The following SLC39A8 variants were observed in gnomAD, a reference collection of about 807,000 sequenced individuals.
SLC39A8 encodes solute carrier family 39 member 8, also known as metal cation symporter ZIP8.
In SLC39A8, 15 loss-of-function variants were observed where a neutral mutation model predicts 40.4. That is an observed-to-expected ratio of 0.37 (90% CI 0.25 to 0.57). The LOEUF (loss-of-function observed/expected upper bound fraction) is 0.57. Ranked by LOEUF, SLC39A8 falls within the 20% of genes least tolerant of loss-of-function variation. The pLI is 0.75. For synonymous variants in SLC39A8, 223 were observed against 221.6 expected (o/e 1.01, Z -0.06); for missense variants, 472 against 558.8 (o/e 0.84, Z 1.57).
intron 6 of SLC39A8, among the ~76,000 whole-genome samples, chr4:102,283,713 A>C (rs1733015614): frequency 6.6e-6 from 1 of 152,264 alleles, no homozygotes; most frequent in African/African-American, 2.4e-5. Flanking sequence ...AACATTTAAT[A>C]AAATGTAATT....
chr4:102,288,950 G>T (rs934856134), intron 6 of SLC39A8, among the ~76,000 whole-genome samples: 3 of 152,134 alleles, frequency 2.0e-5, no homozygotes, highest in African/African-American at 7.2e-5. Context: ...CATTGATGAA[G>T]GTGGCACACT....
downstream of SLC39A8, among the ~76,000 whole-genome samples, chr4:102,260,052 AGT>A (rs1432861811): frequency 6.6e-6 from 1 of 152,232 alleles, no homozygotes; most frequent in African/African-American, 2.4e-5. Flanking sequence ...AAGTAGTTCA[AGT>A]GTGTAAAGAA....
intron 2 of SLC39A8, among the ~76,000 whole-genome samples, chr4:102,335,204 G>C (rs900763516): frequency 2.0e-5 from 3 of 152,036 alleles, no homozygotes; most frequent in Admixed American, 6.6e-5. Flanking sequence ...CTATTACCTG[G>C]TACCATCATA....
At chr4:102,304,855 G>T in intron 5 of SLC39A8, 134 bp downstream of exon 5, 1 of 696,558 alleles carries the variant, frequency 1.4e-6, no homozygotes, top group Non-Finnish European at 2.3e-6. Flanking sequence ...TTGACTCTTT[G>T]TTCTCCTTAA....
chr4:102,254,521 AT>A (rs1306459943), intron 11 of SLC39A8, among the ~76,000 whole-genome samples: 1 of 152,256 alleles, frequency 6.6e-6, no homozygotes, highest in Non-Finnish European at 1.5e-5. Context: ...AAATATAATT[AT>A]TTCAACACTA....
At chr4:102,304,712 G>C in intron 5 of SLC39A8, among the ~76,000 whole-genome samples, 1 of 150,490 alleles carries the variant, frequency 6.6e-6, no homozygotes, top group East Asian at 1.9e-4. Context: ...CTCTTATTTT[G>C]ATGAATATGA....
chr4:102,285,855 T>C (rs1263999208), intron 6 of SLC39A8, among the ~76,000 whole-genome samples: 4 of 152,166 alleles, frequency 2.6e-5, no homozygotes, highest in Non-Finnish European at 5.9e-5. Context: ...TGCAAGTGCT[T>C]CTTCAAGGGA....
intron 2 of SLC39A8, among the ~76,000 whole-genome samples, chr4:102,327,364 G>A (rs1321255870): frequency 2.0e-5 from 3 of 152,096 alleles, no homozygotes; most frequent in Non-Finnish European, 4.4e-5. Context: ...GCTGTAAAAG[G>A]ATAGATGAAT....
intron 6 of SLC39A8, among the ~76,000 whole-genome samples, chr4:102,292,883 T>G (rs1448167611): frequency 6.6e-6 from 1 of 152,066 alleles, no homozygotes; most frequent in Non-Finnish European, 1.5e-5. Context: ...ATAATAATCC[T>G]GCCTTGTAGA....
At chr4:102,269,668 A>C (rs1444252042) in intron 6 of SLC39A8, 8 of 152,196 alleles carry the variant, frequency 5.3e-5, no homozygotes, top group Non-Finnish European at 8.8e-5. Flanking sequence ...AAAAGAGTGA[A>C]TGGGCATTTT....
chr4:102,293,292 C>A (rs1284821631), intron 6 of SLC39A8, among the ~76,000 whole-genome samples: 1 of 151,892 alleles, frequency 6.6e-6, no homozygotes, highest in Admixed American at 6.6e-5. Context: ...CTAAAGAAAG[C>A]AACCTACTGA....
At chr4:102,301,890 C>T (rs1179750649) in intron 6 of SLC39A8, among the ~76,000 whole-genome samples, 1 of 151,998 alleles carries the variant, frequency 6.6e-6, no homozygotes, top group Non-Finnish European at 1.5e-5. Flanking sequence ...GACAGCCATC[C>T]TCCTTTCTAA....
At chr4:102,300,150 C>CA (rs1433097005) in intron 6 of SLC39A8, among the ~76,000 whole-genome samples, 1 of 152,020 alleles carries the variant, frequency 6.6e-6, no homozygotes, top group Non-Finnish European at 1.5e-5. Context: ...TGCCCACACG[C>CA]ATGCCACATA....
chr4:102,338,365 T>C (rs1351907073), intron 2 of SLC39A8, among the ~76,000 whole-genome samples: 1 of 152,004 alleles, frequency 6.6e-6, no homozygotes, highest in East Asian at 1.9e-4. Flanking sequence ...TTTTTGTATT[T>C]TTAGTAGAGA....
chr4:102,293,554 G>C lies in SLC39A8; in HGVS notation c.840+10763C>G, dbSNP rs186835642. 4.9e-3 allele frequency among the ~76,000 whole-genome samples: 739 copies of C among 152,074 alleles called. 7 individuals are homozygous for C. Among genetic ancestry groups the C allele is most frequent in the Non-Finnish European group, 7.9e-3 (534 of 67,918 alleles). On this transcript the variant is annotated intron_variant, in intron 6 of 8. Coordinates refer to ENST00000356736, the MANE Select transcript of SLC39A8 (RefSeq NM_001135146.2). The stretch of plus-strand genomic sequence containing the variant: ...ACGCAAAACCAGTGTACTAAAATCA[G>C]TGTACTCTTACATAGCAGTAATAAT...
At chr4:102,265,175 G>A (rs1732044633) in intron 8 of SLC39A8, among the ~76,000 whole-genome samples, 1 of 152,092 alleles carries the variant, frequency 6.6e-6, no homozygotes, top group Non-Finnish European at 1.5e-5. Flanking sequence ...TCAGGCCTTT[G>A]ATTTAATATG....
chr4:102,338,159 T>G (rs1490454118), intron 2 of SLC39A8, among the ~76,000 whole-genome samples: 2 of 151,894 alleles, frequency 1.3e-5, no homozygotes, highest in African/African-American at 2.4e-5. Flanking sequence ...CCTTCCATAG[T>G]CACTTTTCAC....
chr4:102,285,084 A>C (rs1430577429), intron 6 of SLC39A8, among the ~76,000 whole-genome samples: 1 of 152,180 alleles, frequency 6.6e-6, no homozygotes, highest in African/African-American at 2.4e-5. Context: ...CTAAGTAGAA[A>C]GAGATTCAGT....
At chr4:102,261,546 G>A (rs529696248), downstream of SLC39A8, 3 of 343,292 alleles carry the variant, frequency 8.7e-6, no homozygotes, top group South Asian at 1.2e-4. Flanking sequence ...AAGCCATGGC[G>A]GGGTTAGATT....
Sources: allele counts gnomAD v4.1 joint callset (sites outside exome capture counted in the v4.1 genomes callset), GRCh38; gene constraint gnomAD v4.1.1; transcripts MANE v1.5; gene names NCBI Gene and HGNC (gene_info 2026-07-23, HGNC 2026-07-21).